Variants in TENM2 observed in about 807,000 individuals in gnomAD.
The protein encoded by TENM2 is teneurin transmembrane protein 2.
Under a neutral mutation model 245.2 loss-of-function variants are expected in TENM2, and 52 were observed. The observed-to-expected ratio is 0.21, with a 90% CI of 0.17 to 0.27. The LOEUF (loss-of-function observed/expected upper bound fraction) is 0.27. TENM2 is among the 10% of genes least tolerant of loss of function. The pLI is 1.00. For missense variants in TENM2, 3,046 were observed against 3,666.8 expected (o/e 0.83, Z 4.37); for synonymous variants, 1,363 against 1,438.9 (o/e 0.95, Z 1.19).
the TENM2 span, among the ~76,000 whole-genome samples, chr5:167,085,743 C>A: frequency 1.3e-5 from 2 of 152,166 alleles, no homozygotes; most frequent in Non-Finnish European, 2.9e-5. Flanking sequence ...ATATAGGATG[C>A]AAACCCAGGC....
intron 13 of TENM2, among the ~76,000 whole-genome samples, chr5:168,183,077 G>A (rs1488868489): frequency 2.6e-5 from 4 of 151,964 alleles, no homozygotes; most frequent in East Asian, 1.9e-4. Flanking sequence ...TGATCCACCC[G>A]CCTCGGCTTC....
At chr5:168,070,781 C>CAGAAAGAA (rs201693549) in intron 7 of TENM2, among the ~76,000 whole-genome samples, 1 of 116,514 alleles carries the variant, frequency 8.6e-6, no homozygotes, top group African/African-American at 3.4e-5. Flanking sequence ...GAGATCCTGT[C>CAGAAAGAA]AGAAAGAAAG....
downstream of TENM2, chr5:168,263,369 T>C (rs567655088): frequency 6.5e-6 from 1 of 153,014 alleles, no homozygotes; most frequent in South Asian, 2.1e-4. Context: ...ACTTCTGACA[T>C]TTTCGTTTAA....
At chr5:167,499,005 T>C (rs1434711739) in intron 2 of TENM2, among the ~76,000 whole-genome samples, 1 of 152,158 alleles carries the variant, frequency 6.6e-6, no homozygotes, top group Non-Finnish European at 1.5e-5. Context: ...TATACCAAAA[T>C]ATGCCATAGC....
intron 2 of TENM2, among the ~76,000 whole-genome samples, chr5:167,474,660 G>A (rs994971306): frequency 3.3e-5 from 5 of 151,820 alleles, no homozygotes; most frequent in African/African-American, 4.8e-5. Flanking sequence ...GATTACAGGC[G>A]CTCACTACCA....
chr5:167,954,440 T>G (rs186793719), intron 4 of TENM2, among the ~76,000 whole-genome samples: 1 of 152,334 alleles, frequency 6.6e-6, no homozygotes, highest in African/African-American at 2.4e-5. Flanking sequence ...AATTGAGGAA[T>G]GAAAAGCTAC....
intron 2 of TENM2, among the ~76,000 whole-genome samples, chr5:167,504,042 A>T (rs1582227571): frequency 1.3e-5 from 2 of 152,190 alleles, no homozygotes; most frequent in Admixed American, 1.3e-4. Context: ...GATTCATTTT[A>T]CATTTTTTTA....
intron 2 of TENM2, among the ~76,000 whole-genome samples, chr5:167,778,354 G>A (rs1268528357): frequency 6.6e-6 from 1 of 152,182 alleles, no homozygotes; most frequent in Non-Finnish European, 1.5e-5. Flanking sequence ...TTTCTTGACA[G>A]CAACAAAAGT....
chr5:167,258,926 G>T, the TENM2 span, among the ~76,000 whole-genome samples: 2 of 152,140 alleles, frequency 1.3e-5, no homozygotes, highest in African/African-American at 4.8e-5. Flanking sequence ...AGAATAGATA[G>T]CAACTTAAGG....
chr5:167,222,734 T>C, the TENM2 span, among the ~76,000 whole-genome samples: 2 of 152,212 alleles, frequency 1.3e-5, no homozygotes, highest in Non-Finnish European at 2.9e-5. Flanking sequence ...TTCGCAAAGA[T>C]GACCTTCATG....
At chr5:167,045,999 T>C in the TENM2 span, among the ~76,000 whole-genome samples, 1 of 152,190 alleles carries the variant, frequency 6.6e-6, no homozygotes, top group Non-Finnish European at 1.5e-5. Context: ...TCAATTGCCT[T>C]CTACATGAGG....
At chr5:167,758,495 A>G (rs1408895109) in intron 2 of TENM2, among the ~76,000 whole-genome samples, 3 of 152,040 alleles carry the variant, frequency 2.0e-5, no homozygotes, top group African/African-American at 4.8e-5. Flanking sequence ...ACTTCCTACC[A>G]GCTTCCTCCT....
intron 12 of TENM2, among the ~76,000 whole-genome samples, chr5:168,145,553 T>A (rs1755981126): frequency 1.3e-5 from 2 of 148,322 alleles, no homozygotes; most frequent in Admixed American, 1.3e-4. Context: ...TCTGTTTTGG[T>A]ACCAGTACCA....
chr5:167,610,304 G>A (rs142603086), intron 2 of TENM2, among the ~76,000 whole-genome samples: 1 of 152,176 alleles, frequency 6.6e-6, no homozygotes, highest in Non-Finnish European at 1.5e-5. Context: ...GTCCTTCTGA[G>A]TTTTGTTGGA....
rs79250326 is a variant in TENM2, at chr5:167,881,551, T to G, written c.712+5356T>G. On this transcript the variant is annotated intron_variant, in intron 3 of 28. Coordinates refer to ENST00000518659, the Ensembl canonical transcript of TENM2. ...TTGATTTTGGGGTCAGGATATCAAGTGCAAACATCATTCACTTTCCCAAGT... is the reference window on the plus strand; with the variant it reads ...TTGATTTTGGGGTCAGGATATCAAGGGCAAACATCATTCACTTTCCCAAGT... 5.7e-3 allele frequency among the ~76,000 whole-genome samples: 874 copies of G among 152,294 alleles called. 7 individuals carry two copies. Among genetic ancestry groups the G allele is most frequent in the Non-Finnish European group, 8.9e-3 (608 of 68,020 alleles).
intron 3 of TENM2, among the ~76,000 whole-genome samples, chr5:167,921,313 C>T (rs1043277152): frequency 2.0e-5 from 3 of 152,272 alleles, no homozygotes; most frequent in Admixed American, 6.5e-5. Flanking sequence ...TGTGTTGTAA[C>T]GCCTACTTTG....
chr5:167,265,348 A>G, the TENM2 span, among the ~76,000 whole-genome samples: 2 of 151,250 alleles, frequency 1.3e-5, no homozygotes, highest in East Asian at 1.9e-4. Flanking sequence ...AAAAAAAAAA[A>G]AAAAAAAAAG....
At chr5:167,101,528 G>A in the TENM2 span, among the ~76,000 whole-genome samples, 1 of 151,816 alleles carries the variant, frequency 6.6e-6, no homozygotes, top group African/African-American at 2.4e-5. Flanking sequence ...CAGGAGGTGG[G>A]GTCTATCTCC....
chr5:167,885,288 C>T (rs1583279834), intron 3 of TENM2, among the ~76,000 whole-genome samples: 1 of 152,018 alleles, frequency 6.6e-6, no homozygotes, highest in African/African-American at 2.4e-5. Context: ...CTTTTGTTGT[C>T]TATGCTTTTG....
Sources: allele counts gnomAD v4.1 joint callset (sites outside exome capture counted in the v4.1 genomes callset), GRCh38; gene constraint gnomAD v4.1.1; transcripts MANE v1.5; gene names NCBI Gene and HGNC (gene_info 2026-07-23, HGNC 2026-07-21).